ULK4: variants seen among roughly 807,000 people sequenced by gnomAD.
ULK4 encodes unc-51 like kinase 4.
Under a neutral mutation model 160.6 loss-of-function variants are expected in ULK4, and 133 were observed. The ratio of observed to expected loss-of-function variants is 0.83; its 90% CI spans 0.72 to 0.96. The LOEUF (loss-of-function observed/expected upper bound fraction) is 0.96. Among genes scored for constraint, ULK4 ranks in the 40% least tolerant of loss-of-function variants. The pLI, the probability that ULK4 is intolerant of heterozygous loss-of-function variation, is 0.00. For synonymous variants in ULK4, 534 were observed against 539.8 expected, an observed-to-expected ratio of 0.99 and a Z score of 0.15; for missense variants, 1,580 against 1,499.5, an observed-to-expected ratio of 1.05 and a Z score of -0.89.
At chr3:41,482,417 A>G (rs1344472027) in intron 32 of ULK4, among the ~76,000 whole-genome samples, 1 of 152,216 alleles carries the variant, frequency 6.6e-6, no homozygotes, top group African/African-American at 2.4e-5. Flanking sequence ...AAGTATATAA[A>G]AAAGCAAGCT....
intron 22 of ULK4, among the ~76,000 whole-genome samples, chr3:41,731,673 G>A (rs1316183404): frequency 3.6e-5 from 5 of 137,348 alleles, no homozygotes; most frequent in Admixed American, 2.0e-4. Context: ...ATCAATTTTG[G>A]GGGAAAAAAA....
At chr3:41,565,982 A>G (rs1225180743) in intron 32 of ULK4, 43 bp downstream of exon 32, 2 of 1,512,114 alleles carry the variant, frequency 1.3e-6, no homozygotes, top group Non-Finnish European at 1.8e-6. Context: ...GAAGAAATGA[A>G]TAGGCAAAAC....
intron 17 of ULK4, among the ~76,000 whole-genome samples, chr3:41,850,939 T>G (rs2042196139): frequency 6.6e-6 from 1 of 152,236 alleles, no homozygotes; most frequent in African/African-American, 2.4e-5. Context: ...TTTATGGTTT[T>G]AGGTCTAATG....
intron 32 of ULK4, among the ~76,000 whole-genome samples, chr3:41,489,702 A>G (rs2084677700): frequency 6.6e-6 from 1 of 152,066 alleles, no homozygotes; most frequent in Non-Finnish European, 1.5e-5. Flanking sequence ...CAGCACTAAC[A>G]CACTCTAAGA....
In ULK4 at chr3:41,253,437, T is replaced by C. The variant is rs533646010; in HGVS notation, c.3679-3863A>G. On this transcript the variant is annotated intron_variant, in intron 35 of 36. Coordinates refer to ENST00000301831, the MANE Select transcript of ULK4 (RefSeq NM_017886.4). ...ATGTTCCATTTGAAGTGGTAAAATA[T>C]TGTCATAAGTAGACTCTAAAAAGTT... 3.1e-4 allele frequency among the ~76,000 whole-genome samples: 47 copies of C among 152,002 alleles called. 1 individual carries two copies. The South Asian group carries it at 9.5e-3, about 31-fold the overall frequency.
At chr3:41,291,446 A>AGGGAAGAG (rs1559507646) in intron 35 of ULK4, among the ~76,000 whole-genome samples, 1 of 1,642 alleles carries the variant, frequency 6.1e-4, no homozygotes, top group African/African-American at 2.0e-3. Flanking sequence ...GAGAAGGAGG[A>AGGGAAGAG]GAGGGGAGGG....
At chr3:41,951,661 G>A (rs1397367923) in intron 2 of ULK4, among the ~76,000 whole-genome samples, 1 of 152,066 alleles carries the variant, frequency 6.6e-6, no homozygotes, top group African/African-American at 2.4e-5. Context: ...GAGAGAAGTT[G>A]GACCTTTACT....
chr3:41,673,550 A>G (rs187615323), intron 29 of ULK4, among the ~76,000 whole-genome samples: 84 of 152,334 alleles, frequency 5.5e-4, no homozygotes, highest in Non-Finnish European at 4.3e-4. Context: ...TCACAAAAGA[A>G]TTACAAAAAA....
intron 3 of ULK4, 50 bp from the exon 4 acceptor site, chr3:41,935,990 A>C: frequency 5.9e-6 from 9 of 1,513,296 alleles, no homozygotes; most frequent in Non-Finnish European, 8.0e-6. Context: ...ACCATCACAG[A>C]GTGCCCCTGA....
chr3:41,641,319 G>A (rs201253669), intron 30 of ULK4, among the ~76,000 whole-genome samples: 1 of 152,168 alleles, frequency 6.6e-6, no homozygotes, highest in South Asian at 2.1e-4. Context: ...ATAAGACTGT[G>A]CATATTAGTA....
At chr3:41,484,828 T>C (rs920933355) in intron 32 of ULK4, among the ~76,000 whole-genome samples, 2 of 152,224 alleles carry the variant, frequency 1.3e-5, no homozygotes, top group Admixed American at 6.5e-5. Flanking sequence ...CTGAGGTTTC[T>C]TTCCACTCTG....
intron 32 of ULK4, among the ~76,000 whole-genome samples, chr3:41,492,762 G>C (rs1369852862): frequency 2.0e-5 from 3 of 150,610 alleles, no homozygotes; most frequent in African/African-American, 7.3e-5. Context: ...AACAAAAAAA[G>C]GCAGGGGTTG....
At chr3:41,818,025 A>G (rs1037158393) in intron 19 of ULK4, among the ~76,000 whole-genome samples, 25 of 152,020 alleles carry the variant, frequency 1.6e-4, no homozygotes, top group African/African-American at 6.0e-4. Flanking sequence ...AGATGATGGC[A>G]AGGATGTGAA....
chr3:41,949,163 G>A (rs1194046747), intron 2 of ULK4, among the ~76,000 whole-genome samples: 6 of 151,872 alleles, frequency 4.0e-5, no homozygotes, highest in African/African-American at 1.5e-4. Context: ...AAAAAAATTA[G>A]CCAGGCGTGG....
intron 30 of ULK4, among the ~76,000 whole-genome samples, chr3:41,635,360 T>C (rs1189688072): frequency 6.6e-6 from 1 of 152,148 alleles, no homozygotes; most frequent in African/African-American, 2.4e-5. Flanking sequence ...TGTGTGTACT[T>C]AACAAATCTA....
At chr3:41,428,492 A>C (rs1326469355) in intron 34 of ULK4, among the ~76,000 whole-genome samples, 3 of 152,076 alleles carry the variant, frequency 2.0e-5, no homozygotes, top group African/African-American at 7.2e-5. Context: ...GTAAAGCTGG[A>C]GGCATCACGC....
At chr3:41,301,620 T>C (rs915526397) in intron 35 of ULK4, among the ~76,000 whole-genome samples, 2 of 152,232 alleles carry the variant, frequency 1.3e-5, no homozygotes, top group Non-Finnish European at 2.9e-5. Flanking sequence ...GGCATACATC[T>C]GAGGAAATGC....
At chr3:41,670,792 A>G (rs1352645975) in intron 29 of ULK4, among the ~76,000 whole-genome samples, 1 of 152,052 alleles carries the variant, frequency 6.6e-6, no homozygotes, top group African/African-American at 2.4e-5. Flanking sequence ...AAATGACTTC[A>G]ATAACACTCA....
chr3:41,360,296 A>T (rs1018627709), intron 35 of ULK4, among the ~76,000 whole-genome samples: 5 of 152,182 alleles, frequency 3.3e-5, no homozygotes, highest in Admixed American at 2.0e-4. Context: ...GAGAAAAAGG[A>T]ATGCTTTTAT....
Sources: gnomAD v4.1 joint callset for allele counts (sites outside exome capture counted in the v4.1 genomes callset) on GRCh38, gnomAD v4.1.1 for gene constraint, MANE v1.5 for transcripts, NCBI Gene and HGNC (gene_info 2026-07-23, HGNC 2026-07-21) for gene names.